The following MYO9A variants were observed in gnomAD, a reference collection of about 807,000 sequenced individuals.
MYO9A encodes myosin IXA.
Under a neutral mutation model 293.3 loss-of-function variants are expected in MYO9A, and 103 were observed. The observed-to-expected ratio is 0.35, with a 90% CI of 0.30 to 0.41. MYO9A has a LOEUF of 0.41. Ranked by LOEUF, MYO9A falls within the 10% of genes least tolerant of loss-of-function variation. The pLI, the probability that MYO9A is intolerant of heterozygous loss-of-function variation, is 1.00. For missense variants in MYO9A, 2,685 were observed against 3,033.0 expected (o/e 0.89, Z 2.69); for synonymous variants, 1,001 against 1,035.7 (o/e 0.97, Z 0.64).
intron 1 of MYO9A, among the ~76,000 whole-genome samples, chr15:72,087,443 C>T (rs1043431617): frequency 9.9e-5 from 15 of 152,206 alleles, no homozygotes; most frequent in African/African-American, 3.1e-4. Flanking sequence ...CCTGCCAACT[C>T]GAGTGTCCAT....
rs372441335 is a variant in MYO9A at position 71,910,418 on chromosome 15, T to C, written c.2686-5412A>G. Among the ~76,000 whole-genome samples, 4 of 152,202 alleles carry C rather than the reference T, an allele frequency of 2.6e-5. No individual in the cohort carries two copies. In the East Asian group the frequency reaches 5.8e-4, roughly 22 times the overall value. ...TATTTTGTAAATTTCCAGTGCTGTA[T>C]ATTAGTGATCCATTATTTGGCTATA... On this transcript the variant is annotated intron_variant, in intron 19 of 41. Transcript: ENST00000356056.
chr15:71,918,416 A>G (rs1037996773), intron 18 of MYO9A, among the ~76,000 whole-genome samples: 2 of 152,146 alleles, frequency 1.3e-5, no homozygotes. Context: ...CATTTACACA[A>G]CTGAGTACTC....
intron 15 of MYO9A, among the ~76,000 whole-genome samples, chr15:71,947,822 G>A (rs770260564): frequency 2.0e-5 from 3 of 152,136 alleles, no homozygotes; most frequent in Admixed American, 6.6e-5. Flanking sequence ...AGGACTGAAG[G>A]CCAAAAGAAT....
intron 28 of MYO9A, among the ~76,000 whole-genome samples, chr15:71,882,348 A>G (rs1164498037): frequency 6.6e-6 from 1 of 152,234 alleles, no homozygotes; most frequent in Non-Finnish European, 1.5e-5. Flanking sequence ...GAGAAGTGGT[A>G]ATCTTCTAAC....
intron 2 of MYO9A, among the ~76,000 whole-genome samples, chr15:72,039,711 C>A (rs894099426): frequency 7.9e-5 from 12 of 152,074 alleles, no homozygotes; most frequent in African/African-American, 2.7e-4. Context: ...CACCTATAGT[C>A]CCAGCTACTC....
At chr15:71,891,012 A>G (rs1281335400) in intron 26 of MYO9A, 1 of 152,200 alleles carries the variant, frequency 6.6e-6, no homozygotes, top group Non-Finnish European at 1.5e-5. Flanking sequence ...AGAACGTGGA[A>G]TATTCTCAAG....
rs140279936 is a variant in MYO9A at position 71,939,716 on chromosome 15, T to C, written c.2303-789A>G. The stretch of plus-strand genomic sequence containing the variant: ...AATTACTAATATTTAAAAAATGTAA[T>C]GTTCTTCAAATCATATGATAAACAT... On this transcript the variant is annotated intron_variant, in intron 15 of 41. Transcript: ENST00000356056. Among the ~76,000 whole-genome samples, 1,406 of 152,338 alleles carry C rather than the reference T, an allele frequency of 9.2e-3. 10 individuals carry two copies. Among genetic ancestry groups the C allele is most frequent in the Middle Eastern group, 0.041 (12 of 294 alleles).
chr15:71,956,266 C>T (rs976078012), intron 14 of MYO9A, among the ~76,000 whole-genome samples: 10 of 141,670 alleles, frequency 7.1e-5, no homozygotes, highest in Non-Finnish European at 1.2e-4. Context: ...ACTGTGATAG[C>T]ACCACTGCAT....
intron 1 of MYO9A, among the ~76,000 whole-genome samples, chr15:72,063,943 G>T (rs188816359): frequency 6.6e-6 from 1 of 152,240 alleles, no homozygotes; most frequent in East Asian, 1.9e-4. Flanking sequence ...AAAATGTGAT[G>T]CATATAATAC....
In MYO9A at chr15:71,903,959, T is replaced by C. The variant is rs767622928; in HGVS notation, c.2847A>G (p.Gln949=). The C allele has an allele frequency of 4.3e-6, 7 of 1,613,970 alleles. No individual in the cohort carries two copies. The highest frequency in any genetic ancestry group is 3.3e-5 in the Admixed American group (2 of 59,992). ...AAGAATATTTGGAGCTGTATCCTGA[T>C]TGGCGAATTCGAACTGTTTCCAGCA... ...TGMLETVRIR[Q]SGYSSKYSFQ... Residue 949 remains glutamine (Q), a synonymous_variant, in exon 21 of 42, where the codon CAA becomes CAG. Coordinates refer to ENST00000356056, the MANE Select transcript of MYO9A (RefSeq NM_006901.4).
At chr15:72,067,430 C>G (rs897417042) in intron 1 of MYO9A, among the ~76,000 whole-genome samples, 2 of 151,826 alleles carry the variant, frequency 1.3e-5, no homozygotes, top group African/African-American at 4.8e-5. Context: ...ATTACAGGTG[C>G]CTGCCCACAC....
chr15:71,932,490 A>C (rs574219255), intron 18 of MYO9A, among the ~76,000 whole-genome samples: 1 of 151,398 alleles, frequency 6.6e-6, no homozygotes, highest in African/African-American at 2.4e-5. Flanking sequence ...AGATGAAAAA[A>C]CTCAGGAAAC....
chr15:72,097,771 A>G (rs2080111482), intron 1 of MYO9A, among the ~76,000 whole-genome samples: 1 of 152,118 alleles, frequency 6.6e-6, no homozygotes, highest in South Asian at 2.1e-4. Flanking sequence ...TGAGCTGGGC[A>G]TGGTGGCGTG....
chr15:71,989,535 T>A (rs921405610), intron 11 of MYO9A, among the ~76,000 whole-genome samples: 1 of 152,206 alleles, frequency 6.6e-6, no homozygotes, highest in Non-Finnish European at 1.5e-5. Context: ...GTTGAATGCT[T>A]GGATGTAAAA....
At chr15:72,017,079 G>GGT (rs891745802) in intron 6 of MYO9A, among the ~76,000 whole-genome samples, 18 of 133,732 alleles carry the variant, frequency 1.3e-4, no homozygotes, top group Admixed American at 1.3e-3. Context: ...GGAGTGTAAT[G>GGT]GTGTGATCTT....
chr15:71,973,834 C>T (rs1180487906), intron 12 of MYO9A, among the ~76,000 whole-genome samples: 1 of 152,186 alleles, frequency 6.6e-6, no homozygotes, highest in Non-Finnish European at 1.5e-5. Flanking sequence ...TGCTGAGAAG[C>T]GCTAAATCTA....
chr15:71,893,133 C>T (rs1295315915), intron 26 of MYO9A: 5 of 1,287,270 alleles, frequency 3.9e-6, no homozygotes, highest in East Asian at 5.5e-5. Context: ...AATCGGAGCG[C>T]GTCCGCGCCA....
intron 36 of MYO9A, among the ~76,000 whole-genome samples, chr15:71,851,777 G>A (rs1003265157): frequency 6.6e-5 from 10 of 152,154 alleles, no homozygotes; most frequent in African/African-American, 9.7e-5. Flanking sequence ...AAAACAGCCA[G>A]CTTTACACAT....
At chr15:71,884,376 T>C (rs894318266) in intron 27 of MYO9A, among the ~76,000 whole-genome samples, 2 of 152,208 alleles carry the variant, frequency 1.3e-5, no homozygotes, top group African/African-American at 4.8e-5. Flanking sequence ...GCCACTTATT[T>C]GAACTTGTAT....
Sources: gnomAD v4.1 joint callset for allele counts (sites outside exome capture counted in the v4.1 genomes callset) on GRCh38, gnomAD v4.1.1 for gene constraint, MANE v1.5 for transcripts, NCBI Gene and HGNC (gene_info 2026-07-23, HGNC 2026-07-21) for gene names.